The following CRB1 variants were observed in gnomAD, a reference collection of about 807,000 sequenced individuals.
The protein encoded by CRB1 is crumbs cell polarity complex component 1, also known as protein crumbs homolog 1.
In CRB1, 83 loss-of-function variants were observed where a neutral mutation model predicts 120.0. The observed-to-expected ratio is 0.69, with a 90% CI of 0.58 to 0.83. The LOEUF (loss-of-function observed/expected upper bound fraction) is 0.83, where lower values mean the gene tolerates loss of function less well. Among genes scored for constraint, CRB1 ranks in the 40% least tolerant of loss-of-function variants. The pLI, the probability that CRB1 is intolerant of heterozygous loss-of-function variation, is 0.00. For missense variants in CRB1, 1,699 were observed against 1,687.6 expected (o/e 1.01, Z -0.12); for synonymous variants, 625 against 612.5 (o/e 1.02, Z -0.30).
chr1:197,217,875 T>A, the CRB1 span, among the ~76,000 whole-genome samples: 6 of 152,330 alleles, frequency 3.9e-5, 1 homozygote, highest in African/African-American at 1.4e-4. Flanking sequence ...ACTTATGTAA[T>A]AATTTTTATG....
chr1:197,370,095 G>A (rs775768777), intron 5 of CRB1, among the ~76,000 whole-genome samples: 6 of 151,904 alleles, frequency 3.9e-5, no homozygotes, highest in South Asian at 4.2e-4. Context: ...ACAAACAAAC[G>A]CTGAGAGATT....
intron 8 of CRB1, among the ~76,000 whole-genome samples, chr1:197,432,213 A>G (rs1664901643): frequency 6.6e-6 from 1 of 152,114 alleles, no homozygotes; most frequent in Non-Finnish European, 1.5e-5. Context: ...TAGTAAATAT[A>G]TTTATATAGC....
At position 197,478,103 on chromosome 1, in the gene CRB1, A is replaced by T; in HGVS notation, c.*224A>T. ...ATTGCAAAAAAAGTCTGTGCCAGTA[A>T]TTTCAGCCTTATAATTAGCAAAAAC... On this transcript the variant is annotated 3_prime_UTR_variant, in exon 12 of 12. Transcript: ENST00000367400. 1.8e-6 allele frequency: 1 copy of T among 566,396 alleles called. No homozygotes were observed. The highest frequency in any genetic ancestry group is 3.2e-6 in the Non-Finnish European group (1 of 317,252). 35.1% of individuals were successfully genotyped at this position (566,396 alleles called of 1,614,324 possible).
chr1:197,319,455 A>AG lies in CRB1; in HGVS notation c.71-8967_71-8966insG, dbSNP rs1383334564. Among the ~76,000 whole-genome samples the AG allele has an allele frequency of 2.3e-5, 3 of 130,982 alleles. No homozygotes were observed. The East Asian group carries it at 5.8e-4, about 26-fold the overall frequency. 85.9% of individuals were successfully genotyped at this position (130,982 alleles called of 152,430 possible). On this transcript the variant is annotated intron_variant, in intron 1 of 11. Coordinates refer to ENST00000367400, the MANE Select transcript of CRB1 (RefSeq NM_201253.3). ...CTCAAAAAAAAAAAAAAAAAAAAAA[A>AG]AAAGAAAGAACGGAGAATATTTTTT...
chr1:197,394,931 C>T (rs894446831), intron 5 of CRB1, among the ~76,000 whole-genome samples: 3 of 152,024 alleles, frequency 2.0e-5, no homozygotes, highest in Non-Finnish European at 2.9e-5. Context: ...TTTTATGCCT[C>T]GGTTAGTTCC....
intron 1 of CRB1, among the ~76,000 whole-genome samples, chr1:197,274,980 A>T (rs1655121272): frequency 6.6e-6 from 1 of 152,024 alleles, no homozygotes; most frequent in Non-Finnish European, 1.5e-5. Flanking sequence ...AAAGGTAAGA[A>T]GCCCCTTGCT....
chr1:197,313,225 G>A (rs1456953509), intron 1 of CRB1, among the ~76,000 whole-genome samples: 1 of 152,114 alleles, frequency 6.6e-6, no homozygotes, highest in Non-Finnish European at 1.5e-5. Flanking sequence ...AACATCATGG[G>A]GGAAATCTGC....
intron 5 of CRB1, among the ~76,000 whole-genome samples, chr1:197,364,594 C>T: frequency 6.6e-6 from 1 of 151,762 alleles, no homozygotes; most frequent in Admixed American, 6.6e-5. Flanking sequence ...CTATTTTCTG[C>T]CTTTTGCTCA....
chr1:197,393,631 A>AT (rs566582989), intron 5 of CRB1, among the ~76,000 whole-genome samples: 1 of 152,134 alleles, frequency 6.6e-6, no homozygotes, highest in African/African-American at 2.4e-5. Context: ...GAATGACCAA[A>AT]CTCTCTACCA....
intron 2 of CRB1, among the ~76,000 whole-genome samples, chr1:197,338,613 G>A (rs1355307293): frequency 2.0e-5 from 3 of 151,992 alleles, no homozygotes; most frequent in Non-Finnish European, 4.4e-5. Flanking sequence ...GTACCAAAGA[G>A]GACACAATGT....
chr1:197,210,167 T>A, the CRB1 span, among the ~76,000 whole-genome samples: 1 of 152,204 alleles, frequency 6.6e-6, no homozygotes, highest in East Asian at 1.9e-4. Flanking sequence ...AAGTACAAAA[T>A]AAAATAGTAT....
the CRB1 span, among the ~76,000 whole-genome samples, chr1:197,202,969 G>A: frequency 1.0e-4 from 15 of 146,332 alleles, no homozygotes; most frequent in African/African-American, 3.7e-4. Flanking sequence ...TGTGGTGTGT[G>A]TGTGTGTGTG....
chr1:197,443,631 T>C (rs1210561543), intron 11 of CRB1: 1 of 151,828 alleles, frequency 6.6e-6, no homozygotes, highest in Non-Finnish European at 1.5e-5. Context: ...TTCTTAAGTA[T>C]CTTTCAGAAA....
At chr1:197,436,268 A>G (rs1193031656) in intron 9 of CRB1, among the ~76,000 whole-genome samples, 2 of 152,146 alleles carry the variant, frequency 1.3e-5, no homozygotes, top group Non-Finnish European at 2.9e-5. Context: ...TAAGAAAATC[A>G]TAGGAAAGAA....
intron 1 of CRB1, among the ~76,000 whole-genome samples, chr1:197,322,826 A>G (rs1273869982): frequency 6.6e-6 from 1 of 152,126 alleles, no homozygotes; most frequent in East Asian, 1.9e-4. Context: ...AATGTTTTAG[A>G]TGTTTCTTTT....
At chr1:197,380,512 G>C (rs1025866695) in intron 5 of CRB1, among the ~76,000 whole-genome samples, 3 of 152,208 alleles carry the variant, frequency 2.0e-5, no homozygotes, top group African/African-American at 4.8e-5. Context: ...AGGAAGGTCA[G>C]TGAATTCGTT....
At chr1:197,416,211 C>A (rs1663992015) in intron 5 of CRB1, among the ~76,000 whole-genome samples, 1 of 152,048 alleles carries the variant, frequency 6.6e-6, no homozygotes, top group South Asian at 2.1e-4. Flanking sequence ...GTTCGAACTT[C>A]ATGTTATCTG....
intron 2 of CRB1, among the ~76,000 whole-genome samples, chr1:197,341,556 G>C (rs1659460340): frequency 6.6e-6 from 1 of 151,752 alleles, no homozygotes; most frequent in African/African-American, 2.4e-5. Flanking sequence ...AAAAAGAAAA[G>C]GGTGATCTGG....
chr1:197,387,085 G>A lies in CRB1; in HGVS notation c.1171+30072G>A, dbSNP rs138784118. On this transcript the variant is annotated intron_variant, in intron 5 of 11. Transcript: ENST00000367400. ...TGGTCCTTGGCAGTAGAACCATCAT[G>A]TTCACATTCTTGTTCCCAACATAAT... is the stretch of plus-strand genomic sequence containing the variant. 7.2e-3 allele frequency among the ~76,000 whole-genome samples: 1,094 copies of A among 152,084 alleles called. 16 individuals are homozygous for A. The highest frequency in any genetic ancestry group is 0.025 in the African/African-American group (1,028 of 41,512).
Sources: allele counts gnomAD v4.1 joint callset (sites outside exome capture counted in the v4.1 genomes callset), GRCh38; gene constraint gnomAD v4.1.1; transcripts MANE v1.5; gene names NCBI Gene and HGNC (gene_info 2026-07-23, HGNC 2026-07-21).